The following PFKFB3 variants were observed in gnomAD, a reference collection of about 807,000 sequenced individuals.
PFKFB3 encodes the protein 6-phosphofructo-2-kinase/fructose-2,6-biphosphatase 3, also known as 6-phosphofructo-2-kinase/fructose-2,6-bisphosphatase 3.
A neutral mutation model predicts 68.0 loss-of-function variants in PFKFB3; 33 were observed. The observed-to-expected ratio is 0.49, with a 90% CI of 0.37 to 0.65. The LOEUF is 0.65. PFKFB3 is among the 30% of genes least tolerant of loss of function. The probability of loss-of-function intolerance (pLI) is 0.00; values close to 1 mark genes in which losing one functional copy is unlikely to be tolerated. For synonymous variants in PFKFB3, 315 were observed against 288.2 expected (o/e 1.09, Z -0.94); for missense variants, 586 against 712.2 (o/e 0.82, Z 2.02).
chr10:6,179,027 G>A lies in PFKFB3; in HGVS notation c.16+34014G>A, dbSNP rs1453669064. ...GCAGTACTATCTCCCTGGTGGAGTC[G>A]TTCTAAAAATGAAAGGCAATGTGTT... On this transcript the variant is annotated intron_variant, in intron 1 of 14. Coordinates refer to the PFKFB3 transcript ENST00000379789. 3.3e-5 allele frequency among the ~76,000 whole-genome samples: 5 copies of A among 152,332 alleles called. No individual in the cohort carries two copies. In the East Asian group the frequency reaches 5.8e-4, roughly 18 times the overall value.
intron 1 of PFKFB3, among the ~76,000 whole-genome samples, chr10:6,185,394 G>C (rs1214754288): frequency 1.3e-5 from 2 of 152,204 alleles, no homozygotes; most frequent in Non-Finnish European, 2.9e-5. Context: ...CTTCACATGA[G>C]GCTTACATTC....
chr10:6,198,336 C>G (rs140460284), upstream of PFKFB3, among the ~76,000 whole-genome samples: 899 of 151,956 alleles, frequency 5.9e-3, 30 homozygotes, highest in Admixed American at 0.044. Context: ...GAAATGGAAA[C>G]TTACTGGAGG....
intron 1 of PFKFB3, among the ~76,000 whole-genome samples, chr10:6,153,125 T>G (rs1841647848): frequency 6.6e-6 from 1 of 151,638 alleles, no homozygotes; most frequent in Non-Finnish European, 1.5e-5. Flanking sequence ...TGAGCCAAGA[T>G]CATGCCACTG....
intron 1 of PFKFB3, among the ~76,000 whole-genome samples, chr10:6,207,298 C>T (rs112992927): frequency 0.2 from 30,445 of 152,146 alleles, 3,748 homozygotes; most frequent in East Asian, 0.4. Context: ...ACCAGTCAGG[C>T]GTGGCGGCGC....
chr10:6,145,788 G>A (rs1272212643), intron 1 of PFKFB3, among the ~76,000 whole-genome samples: 2 of 152,218 alleles, frequency 1.3e-5, no homozygotes, highest in Non-Finnish European at 2.9e-5. Flanking sequence ...TCCTGCAGGG[G>A]CTGCCCTCCG....
chr10:6,222,529 G>C (rs555796229), intron 10 of PFKFB3, among the ~76,000 whole-genome samples: 1 of 152,176 alleles, frequency 6.6e-6, no homozygotes, highest in Non-Finnish European at 1.5e-5. Context: ...CCCCGGCACC[G>C]GCCCGTCTGC....
chr10:6,194,550 C>G (rs112295151), intron 1 of PFKFB3, among the ~76,000 whole-genome samples: 5 of 152,272 alleles, frequency 3.3e-5, no homozygotes, highest in African/African-American at 9.6e-5. Flanking sequence ...CAGAAAGAGA[C>G]AAGGGGGCAT....
At chr10:6,246,139 G>T (rs1846253882) in intron 14 of PFKFB3, among the ~76,000 whole-genome samples, 1 of 152,106 alleles carries the variant, frequency 6.6e-6, no homozygotes, top group Admixed American at 6.5e-5. Context: ...CTTCCTGAGG[G>T]TCTCCCATTG....
intron 8 of PFKFB3, among the ~76,000 whole-genome samples, chr10:6,221,169 G>A (rs1337911418): frequency 1.3e-5 from 2 of 152,142 alleles, no homozygotes; most frequent in Non-Finnish European, 2.9e-5. Flanking sequence ...TGTGTGATGT[G>A]TGCGCGGTTG....
intron 14 of PFKFB3, among the ~76,000 whole-genome samples, chr10:6,231,011 C>T (rs1845704422): frequency 6.6e-6 from 1 of 152,130 alleles, no homozygotes; most frequent in South Asian, 2.1e-4. Flanking sequence ...CCACCACGCC[C>T]AGCCTAGAGT....
the PFKFB3 span, among the ~76,000 whole-genome samples, chr10:6,274,156 C>T: frequency 9.2e-5 from 14 of 151,764 alleles, no homozygotes; most frequent in African/African-American, 3.4e-4. Context: ...GCTATGATTG[C>T]AGCACTGTAC....
At chr10:6,158,147 G>T (rs1014756957) in intron 1 of PFKFB3, among the ~76,000 whole-genome samples, 6 of 152,052 alleles carry the variant, frequency 3.9e-5, no homozygotes, top group Admixed American at 1.3e-4. Context: ...AAATTAGCCG[G>T]GCGTGGTGGC....
At chr10:6,267,428 TAGG>T in the PFKFB3 span, among the ~76,000 whole-genome samples, 252 of 152,330 alleles carry the variant, frequency 1.7e-3, no homozygotes, top group African/African-American at 5.8e-3. Context: ...TACAGGGAAG[TAGG>T]AGGTCAGGAT....
Position 6,220,664 on chromosome 10 carries a change from G to A in PFKFB3, c.630G>A (p.Leu210=). Residue 210 remains leucine, a synonymous_variant, in exon 8 of 15, where the codon TTG becomes TTA. Transcript: ENST00000379775. The surrounding 1 kb of genome is among the most constrained non-coding windows in gnomAD (Gnocchi z 4.1). ...PLDPDKCDRD[L]SLIKVIDVGR... ...CGGTGGGGTCTCTCTGCAGGGACTT[G>A]TCGCTGATCAAGGTGATTGACGTGG... 6.2e-7 allele frequency: 1 copy of A among 1,613,832 alleles called. No homozygotes were observed. Among genetic ancestry groups the A allele is most frequent in the Non-Finnish European group, 8.5e-7 (1 of 1,180,002 alleles).
chr10:6,151,310 G>A (rs1481815838), intron 1 of PFKFB3, among the ~76,000 whole-genome samples: 6 of 151,632 alleles, frequency 4.0e-5, no homozygotes, highest in South Asian at 2.1e-4. Flanking sequence ...TGGCACTTCC[G>A]CAAGCAGCCT....
chr10:6,166,242 A>G (rs1816787514), intron 1 of PFKFB3, among the ~76,000 whole-genome samples: 1 of 152,056 alleles, frequency 6.6e-6, no homozygotes, highest in Non-Finnish European at 1.5e-5. Flanking sequence ...TCGGTCTCCC[A>G]GAGTGCTGGG....
At chr10:6,269,524 G>A in the PFKFB3 span, among the ~76,000 whole-genome samples, 1 of 152,052 alleles carries the variant, frequency 6.6e-6, no homozygotes, top group Non-Finnish European at 1.5e-5. Context: ...TCCAGATTCC[G>A]GGGTCTGTTA....
At position 6,220,955 on chromosome 10, in the gene PFKFB3, T is replaced by TGCC. The variant is rs1844914201; in HGVS notation, c.831+92_831+93insCGC. On this transcript the variant is annotated intron_variant, in intron 8 of 14. Coordinates refer to ENST00000379775, the MANE Select transcript of PFKFB3 (RefSeq NM_004566.4). The surrounding 1 kb of genome is among the most constrained non-coding windows in gnomAD (Gnocchi z 4.1). ...GTGGGGAGCTGTGTGCTGCTGCTGC[T>TGCC]GCTGCTGCTGCTGCTTGGTGTGCTT... The TGCC allele has an allele frequency of 8.5e-7, 1 of 1,174,396 alleles. No individual in the cohort carries two copies. The highest frequency in any genetic ancestry group is 1.3e-6 in the Non-Finnish European group (1 of 796,202). The allele number at this position is 1,174,396 out of a possible 1,614,324, so 72.7% of individuals were successfully genotyped here. A position where few individuals can be genotyped will look rare whatever the true frequency, so the allele number is the denominator to read the frequency against.
chr10:6,178,577 G>A (rs1291148261), intron 1 of PFKFB3, among the ~76,000 whole-genome samples: 1 of 152,180 alleles, frequency 6.6e-6, no homozygotes, highest in Non-Finnish European at 1.5e-5. Context: ...TTCCGGGATG[G>A]ACAGAGTCCG....
Sources: allele counts gnomAD v4.1 joint callset (sites outside exome capture counted in the v4.1 genomes callset), GRCh38; gene constraint gnomAD v4.1.1; non-coding constraint Gnocchi (gnomAD v3.1); transcripts MANE v1.5; gene names NCBI Gene and HGNC (gene_info 2026-07-23, HGNC 2026-07-21).